RAB10: variants seen among roughly 807,000 people sequenced by gnomAD.
RAB10 encodes ras-related protein Rab-10.
RAB10 carries 5 observed loss-of-function variants against 25.7 expected under a neutral mutation model. That is an observed-to-expected ratio of 0.19 (90% CI 0.10 to 0.41). The LOEUF (loss-of-function observed/expected upper bound fraction) is 0.41. Ranked by LOEUF, RAB10 falls within the 10% of genes least tolerant of loss-of-function variation. The pLI is 1.00. For synonymous variants in RAB10, 89 were observed against 86.4 expected, an observed-to-expected ratio of 1.03 and a Z score of -0.16; for missense variants, 103 against 245.8, an observed-to-expected ratio of 0.42 and a Z score of 3.89.
At chr2:26,069,072 T>G (rs1666572304) in intron 1 of RAB10, among the ~76,000 whole-genome samples, 1 of 152,224 alleles carries the variant, frequency 6.6e-6, no homozygotes. Context: ...AATTTCTTTC[T>G]TAATGTCTAA....
At chr2:26,112,343 T>C (rs533204165) in intron 3 of RAB10, among the ~76,000 whole-genome samples, 1 of 152,290 alleles carries the variant, frequency 6.6e-6, no homozygotes, top group South Asian at 2.1e-4. Context: ...TTGGTTCCTC[T>C]GGAGACCAGC....
At chr2:26,128,930 C>A (rs571415879) in intron 5 of RAB10, among the ~76,000 whole-genome samples, 2 of 152,088 alleles carry the variant, frequency 1.3e-5, no homozygotes, top group African/African-American at 4.8e-5. Flanking sequence ...GTCCTGAATT[C>A]TCTGTTCAAT....
chr2:26,095,531 C>T (rs1293892616), intron 1 of RAB10, among the ~76,000 whole-genome samples: 5 of 151,716 alleles, frequency 3.3e-5, no homozygotes, highest in African/African-American at 7.3e-5. Context: ...GGCATGAACC[C>T]GGGAGGCGGA....
At chr2:26,086,370 C>T (rs963993064) in intron 1 of RAB10, among the ~76,000 whole-genome samples, 22 of 152,164 alleles carry the variant, frequency 1.4e-4, no homozygotes, top group African/African-American at 5.3e-4. Context: ...CATCATTAGT[C>T]ATTAAAGAAA....
In RAB10 at chr2:26,088,018, C is replaced by T. The variant is rs186299944; in HGVS notation, c.128-10644C>T. 3.4e-4 allele frequency among the ~76,000 whole-genome samples: 52 copies of T among 152,276 alleles called. No individual in the cohort carries two copies. The East Asian group carries it at 5.2e-3, about 15-fold the overall frequency. On this transcript the variant is annotated intron_variant, in intron 1 of 5. Coordinates refer to ENST00000264710, the MANE Select transcript of RAB10 (RefSeq NM_016131.5). The stretch of plus-strand genomic sequence containing the variant: ...CTGGTCTTGAAATCCAATGCCTAAG[C>T]GGCATTCAAACGATACAGGTGTATG...
At chr2:26,057,842 T>C (rs1480918052) in intron 1 of RAB10, among the ~76,000 whole-genome samples, 1 of 152,166 alleles carries the variant, frequency 6.6e-6, no homozygotes, top group Non-Finnish European at 1.5e-5. Flanking sequence ...CAGTCTGGTC[T>C]CAAACTCCTG....
chr2:26,104,518 C>T (rs905007586), intron 2 of RAB10, among the ~76,000 whole-genome samples: 1 of 152,100 alleles, frequency 6.6e-6, no homozygotes, highest in Admixed American at 6.6e-5. Context: ...ATAGTTTCTT[C>T]CATTCTGTGG....
chr2:26,082,613 C>G (rs940931574), intron 1 of RAB10, among the ~76,000 whole-genome samples: 1 of 152,080 alleles, frequency 6.6e-6, no homozygotes, highest in African/African-American at 2.4e-5. Context: ...GAAATGAGAT[C>G]TTAATTTAAA....
chr2:26,078,262 T>A (rs752655577), intron 1 of RAB10, among the ~76,000 whole-genome samples: 2 of 152,168 alleles, frequency 1.3e-5, no homozygotes, highest in Non-Finnish European at 2.9e-5. Flanking sequence ...CCCAAATTGC[T>A]CTATAGAGTC....
intron 1 of RAB10, among the ~76,000 whole-genome samples, chr2:26,050,838 C>G (rs957818744): frequency 6.6e-6 from 1 of 152,058 alleles, no homozygotes; most frequent in African/African-American, 2.4e-5. Flanking sequence ...GTCTCCTGGG[C>G]TCAAGTGATT....
At chr2:26,080,994 CAT>C (rs946330204) in intron 1 of RAB10, among the ~76,000 whole-genome samples, 7 of 152,190 alleles carry the variant, frequency 4.6e-5, no homozygotes, top group Admixed American at 4.6e-4. Context: ...CACAGTCCCA[CAT>C]GTTGTGGGAG....
intron 1 of RAB10, among the ~76,000 whole-genome samples, chr2:26,086,915 T>G (rs1056667166): frequency 1.3e-5 from 2 of 151,994 alleles, no homozygotes; most frequent in African/African-American, 4.8e-5. Flanking sequence ...GTATCCAAAA[T>G]AGGTAAATCC....
At chr2:26,104,403 T>A (rs1349448038) in intron 2 of RAB10, among the ~76,000 whole-genome samples, 1 of 152,222 alleles carries the variant, frequency 6.6e-6, no homozygotes, top group African/African-American at 2.4e-5. Context: ...TGTTTAGATC[T>A]TTTGCTGATT....
intron 1 of RAB10, among the ~76,000 whole-genome samples, chr2:26,087,404 T>TG (rs1214956255): frequency 2.0e-5 from 3 of 152,220 alleles, no homozygotes; most frequent in African/African-American, 7.2e-5. Flanking sequence ...CTGCTGTTGT[T>TG]GGTGTTACTA....
At chr2:26,084,042 C>G (rs913765036) in intron 1 of RAB10, among the ~76,000 whole-genome samples, 12 of 152,198 alleles carry the variant, frequency 7.9e-5, no homozygotes, top group African/African-American at 2.9e-4. Context: ...TCACATCACT[C>G]TGCTCAAAAT....
intron 1 of RAB10, among the ~76,000 whole-genome samples, chr2:26,087,029 T>A (rs890913805): frequency 6.6e-6 from 1 of 152,194 alleles, no homozygotes; most frequent in South Asian, 2.1e-4. Flanking sequence ...TGAAAACATG[T>A]TGCAACTATT....
intron 1 of RAB10, among the ~76,000 whole-genome samples, chr2:26,083,550 G>A (rs1387665893): frequency 2.6e-5 from 4 of 151,330 alleles, no homozygotes; most frequent in Non-Finnish European, 4.4e-5. Flanking sequence ...TGCAACCTCC[G>A]CCTCCCAGGT....
chr2:26,085,640 A>G (rs1666961189), intron 1 of RAB10, among the ~76,000 whole-genome samples: 1 of 152,176 alleles, frequency 6.6e-6, no homozygotes, highest in African/African-American at 2.4e-5. Context: ...AGAAGTAAAA[A>G]GACGGTACAG....
At chr2:26,062,917 C>T (rs1429947334) in intron 1 of RAB10, among the ~76,000 whole-genome samples, 5 of 151,866 alleles carry the variant, frequency 3.3e-5, no homozygotes, top group African/African-American at 1.2e-4. Flanking sequence ...GAGTTCGAGA[C>T]CAGCCTGGCC....
Sources: gnomAD v4.1 joint callset for allele counts (sites outside exome capture counted in the v4.1 genomes callset) on GRCh38, gnomAD v4.1.1 for gene constraint, MANE v1.5 for transcripts, NCBI Gene and HGNC (gene_info 2026-07-23, HGNC 2026-07-21) for gene names.